EP400: variants seen among roughly 807,000 people sequenced by gnomAD.
EP400 encodes the protein E1A-binding protein p400.
In EP400, 105 loss-of-function variants were observed where a neutral mutation model predicts 354.1. The ratio of observed to expected loss-of-function variants is 0.30; its 90% CI spans 0.25 to 0.35. The LOEUF is 0.35. Ranked by LOEUF, EP400 falls within the 10% of genes least tolerant of loss-of-function variation. EP400 has a pLI of 1.00. For synonymous variants in EP400, 1,646 were observed against 1,716.9 expected, an observed-to-expected ratio of 0.96 and a Z score of 1.02; for missense variants, 3,280 against 4,121.0, an observed-to-expected ratio of 0.80 and a Z score of 5.59.
chr12:132,007,065 A>G (rs1012567487), intron 15 of EP400, among the ~76,000 whole-genome samples, 188 bp downstream of exon 15: 1 of 152,234 alleles, frequency 6.6e-6, no homozygotes, highest in African/African-American at 2.4e-5. Context: ...CACAGTTAAC[A>G]TCCAGTAACA....
At chr12:132,053,084 C>T (rs933494181) in intron 41 of EP400, 62 bp from the exon 42 acceptor site, 5 of 1,552,050 alleles carry the variant, frequency 3.2e-6, no homozygotes, top group African/African-American at 1.4e-5. Context: ...TTCTAGGGTA[C>T]GTGGTACTTG....
chr12:131,991,917 A>G (rs1227374189), intron 10 of EP400, among the ~76,000 whole-genome samples: 2 of 152,296 alleles, frequency 1.3e-5, no homozygotes, highest in African/African-American at 4.8e-5. Context: ...GACTCAGTCT[A>G]CTTTGAAAAT....
rs1030724168 is a variant in EP400 at position 132,067,156 on chromosome 12, G to A, written c.8749+187G>A. The A allele has an allele frequency of 8.8e-7, 1 of 1,138,526 alleles. No individual in the cohort carries two copies. The highest frequency in any genetic ancestry group is 1.2e-6 in the Non-Finnish European group (1 of 820,526). 70.5% of individuals were successfully genotyped at this position (1,138,526 alleles called of 1,614,324 possible). ...GCAAGGCTGGGTCCTCAATTGAACT[G>A]TTAACATTCTGAAATTTCCGTCTTA... On this transcript the variant is annotated intron_variant, in intron 49 of 52. Coordinates refer to ENST00000389561, the MANE Select transcript of EP400 (RefSeq NM_015409.5). This position sits in a 1 kb window ranked among gnomAD's most constrained non-coding sequence, Gnocchi z 5.3.
At chr12:132,044,560 G>C in intron 35 of EP400, 111 bp from the exon 36 acceptor site, 1 of 1,352,220 alleles carries the variant, frequency 7.4e-7, no homozygotes, top group Non-Finnish European at 1.0e-6. Flanking sequence ...AAATAGTCAT[G>C]TTGATCAGAA....
rs898578212 is a variant in EP400, at chr12:132,038,965, G to A, written c.6207+869G>A. On this transcript the variant is annotated intron_variant, in intron 32 of 52. Transcript: ENST00000389561. The surrounding 1 kb of genome is among the most constrained non-coding windows in gnomAD (Gnocchi z 4.2). Reference sequence around the variant, plus strand: ...TCTTCCTGCCCTGTTTGACTGCAGCGCATGACTGCATGGGCTTCTCTGTAT... The same window carrying A: ...TCTTCCTGCCCTGTTTGACTGCAGCACATGACTGCATGGGCTTCTCTGTAT... Among the ~76,000 whole-genome samples, 5 of 152,122 alleles carry A rather than the reference G, an allele frequency of 3.3e-5. No homozygotes were observed. The highest frequency in any genetic ancestry group is 9.7e-5 in the African/African-American group (4 of 41,414).
Position 131,982,134 on chromosome 12 carries a change from C to T in EP400, c.1585C>T (p.Gln529Ter). The change falls in exon 5 of 53, where the codon CAG becomes TAG. Residue 529 changes from glutamine (Q) to a stop codon, truncating the protein, a stop_gained. Coordinates refer to ENST00000389561, the MANE Select transcript of EP400 (RefSeq NM_015409.5). LOFTEE classifies it high-confidence loss of function. Reference sequence around the variant, plus strand: ...GCCGCAGGCCGCGCAGCTCGCTGGACAGAGGCAGAGTCAGCAGCAGTATGA... The same window carrying T: ...GCCGCAGGCCGCGCAGCTCGCTGGATAGAGGCAGAGTCAGCAGCAGTATGA... ...PTPQAAQLAG[Q>*]RQSQQQYDPS... 6.3e-7 allele frequency: 1 copy of T among 1,577,384 alleles called. No homozygotes were observed. Among genetic ancestry groups the T allele is most frequent in the Non-Finnish European group, 8.6e-7 (1 of 1,157,728 alleles).
rs1217365735 is a variant in EP400, at chr12:132,020,055, T to G, written c.4284T>G (p.Phe1428Leu). ...TGGACCAATGGGCATCTAGGTTGTT[T>G]CAGCCTGTGCAGTATGGCCAGAAGC... ...AAAKLKASRL[F>L]QPVQYGQKPE... The change falls in exon 22 of 53, where the codon TTT (phenylalanine) becomes TTG (leucine). Residue 1428 changes from phenylalanine to leucine, a missense_variant. Transcript: ENST00000389561. 1.3e-6 allele frequency: 2 copies of G among 1,551,408 alleles called. No individual in the cohort carries two copies. The highest frequency in any genetic ancestry group is 1.2e-5 in the South Asian group (1 of 83,270).
At position 132,053,078 on chromosome 12, in the gene EP400, A is replaced by G. The variant is rs924822152; in HGVS notation, c.7395-68A>G. 9.1e-6 allele frequency: 14 copies of G among 1,531,604 alleles called. No individual in the cohort carries two copies. In the African/African-American group the frequency reaches 1.1e-4, roughly 12 times the overall value. 94.9% of individuals were successfully genotyped at this position (1,531,604 alleles called of 1,614,324 possible). On this transcript the variant is annotated intron_variant, in intron 41 of 52. Coordinates refer to ENST00000389561, the MANE Select transcript of EP400 (RefSeq NM_015409.5). ...CAGCACCTGGCAGCATGGTGTTTCT[A>G]GGGTACGTGGTACTTGTCTGTCTTA...
intron 1 of EP400, among the ~76,000 whole-genome samples, chr12:131,951,282 G>A (rs1478807821): frequency 6.6e-6 from 1 of 151,278 alleles, no homozygotes; most frequent in African/African-American, 2.4e-5. Context: ...GAACTCCTGA[G>A]CTCAGGCAGT....
intron 23 of EP400, among the ~76,000 whole-genome samples, chr12:132,023,522 T>C (rs1829403844): frequency 6.6e-6 from 1 of 152,036 alleles, no homozygotes; most frequent in African/African-American, 2.4e-5. Flanking sequence ...GTTAATAATA[T>C]CAATATCTGA....
Position 132,018,726 on chromosome 12 carries a change from A to T in EP400, c.4277+350A>T, listed in dbSNP as rs1293748855. 1.3e-5 allele frequency among the ~76,000 whole-genome samples: 2 copies of T among 151,792 alleles called. No individual in the cohort carries two copies. Among genetic ancestry groups the T allele is most frequent in the Non-Finnish European group, 2.9e-5 (2 of 67,952 alleles). On this transcript the variant is annotated intron_variant, in intron 21 of 52. Coordinates refer to ENST00000389561, the MANE Select transcript of EP400 (RefSeq NM_015409.5). The surrounding 1 kb of genome is among the most constrained non-coding windows in gnomAD (Gnocchi z 4.0). ...GTGAGTGTGGCAGGCAGAGGACTCC[A>T]CCCCCACGGTGATGTCATTGTCTTA...
At chr12:132,053,288 G>A in intron 42 of EP400, 55 bp from the exon 43 acceptor site, 2 of 1,607,528 alleles carry the variant, frequency 1.2e-6, no homozygotes, top group Non-Finnish European at 1.7e-6. Context: ...CATCCAGGGG[G>A]TATGCAGGCC....
intron 41 of EP400, 88 bp from the exon 42 acceptor site, chr12:132,053,058 C>T: frequency 7.1e-7 from 1 of 1,412,724 alleles, no homozygotes; most frequent in South Asian, 1.2e-5. Context: ...TGCCCCAGCA[C>T]CTGGCAGCAT....
chr12:131,981,161 G>C (rs1466285477), intron 3 of EP400, among the ~76,000 whole-genome samples: 1 of 152,184 alleles, frequency 6.6e-6, no homozygotes, highest in Non-Finnish European at 1.5e-5. Flanking sequence ...CGCTCTCCAT[G>C]CTCTCGTCCG....
Position 132,066,764 on chromosome 12 carries a change from T to C in EP400, c.8554-10T>C, listed in dbSNP as rs1264926832. Reference sequence around the variant, plus strand: ...TTTCTCTGGACTCTCCCATTATTTCTACTGTTTAGACCCGGGTTCCCACTT... The same window carrying C: ...TTTCTCTGGACTCTCCCATTATTTCCACTGTTTAGACCCGGGTTCCCACTT... On this transcript the variant is annotated splice_polypyrimidine_tract_variant and intron_variant, in intron 48 of 52. Coordinates refer to ENST00000389561, the MANE Select transcript of EP400 (RefSeq NM_015409.5). 1 of 1,610,374 alleles carries C rather than the reference T, an allele frequency of 6.2e-7. No homozygotes were observed. Among genetic ancestry groups the C allele is most frequent in the South Asian group, 1.1e-5 (1 of 90,520 alleles).
Position 132,044,913 on chromosome 12 carries a change from C to T in EP400, c.6744C>T (p.Tyr2248=), listed in dbSNP as rs1565927173. Residue 2248 remains tyrosine (Y), a synonymous_variant, in exon 37 of 53, where the codon TAC becomes TAT. Coordinates refer to ENST00000389561, the MANE Select transcript of EP400 (RefSeq NM_015409.5). ...PIPEAKLPPV[Y]VRKERKRHKT... ...CAGAGGCTAAGCTGCCCCCTGTGTA[C>T]GTGAGGAAGGAGCGGAAGCGACACA... 2.5e-6 allele frequency: 4 copies of T among 1,614,164 alleles called. No individual in the cohort carries two copies. Among genetic ancestry groups the T allele is most frequent in the African/African-American group, 1.3e-5 (1 of 75,042 alleles).
At chr12:132,044,396 G>C in intron 35 of EP400, 85 bp downstream of exon 35, 3 of 1,507,900 alleles carry the variant, frequency 2.0e-6, no homozygotes, top group Non-Finnish European at 2.7e-6. Flanking sequence ...CAAAGTCTGT[G>C]TACATTGACA....
Position 132,065,066 on chromosome 12 carries a change from C to G in EP400, c.8553+180C>G. ...GGACTCACCACTCGTGGAACATTAA[C>G]ACAGCAGCAGCTCCCAGAGCCCATC... On this transcript the variant is annotated intron_variant, in intron 48 of 52. Transcript: ENST00000389561. 2.6e-6 allele frequency: 3 copies of G among 1,151,894 alleles called. No individual in the cohort carries two copies. In the East Asian group the frequency reaches 7.8e-5, roughly 30 times the overall value. 71.4% of individuals were successfully genotyped at this position (1,151,894 alleles called of 1,614,324 possible).
chr12:132,016,598 C>G (rs759891548), intron 19 of EP400, among the ~76,000 whole-genome samples: 5 of 152,160 alleles, frequency 3.3e-5, no homozygotes, highest in East Asian at 1.9e-4. Context: ...TCTCAAACCC[C>G]TGACCTCTAG....
Sources: gnomAD v4.1 joint callset for allele counts (sites outside exome capture counted in the v4.1 genomes callset) on GRCh38, gnomAD v4.1.1 for gene constraint, Gnocchi (gnomAD v3.1) non-coding constraint, MANE v1.5 for transcripts, NCBI Gene and HGNC (gene_info 2026-07-23, HGNC 2026-07-21) for gene names.